Variants in DMD observed in about 807,000 individuals in gnomAD.
DMD encodes dystrophin.
DMD carries 63 observed loss-of-function variants against 330.1 expected under a neutral mutation model. That is an observed-to-expected ratio of 0.19 (90% CI 0.16 to 0.24). The LOEUF is 0.24. Among genes scored for constraint, DMD ranks in the 10% least tolerant of loss-of-function variants. DMD has a pLI of 1.00. For missense variants in DMD, 3,344 were observed against 2,684.1 expected (o/e 1.25, Z -5.43); for synonymous variants, 1,223 against 959.8 (o/e 1.27, Z -5.07).
chrX:32,301,506 T>C (rs1006539401), intron 42 of DMD, among the ~76,000 whole-genome samples: 1 of 110,991 alleles, frequency 9.0e-6, no homozygotes, highest in Non-Finnish European at 1.9e-5. Flanking sequence ...GTCATTGTAT[T>C]AAACTATAAG....
In DMD at chrX:32,689,363, G is replaced by A. The variant is rs185632930; in HGVS notation, c.960+8507C>T. ...ACATAAAACCTACCAAATCTGAACT[G>A]TGTAAAAATGGAAAAGTCTGAATAG... On this transcript the variant is annotated intron_variant, in intron 9 of 78. Transcript: ENST00000357033. Among the ~76,000 whole-genome samples, 1,039 of 110,967 alleles carry A rather than the reference G, an allele frequency of 9.4e-3. 4 individuals are homozygous for A. The highest frequency in any genetic ancestry group is 0.046 in the South Asian group (120 of 2,624).
At chrX:32,829,536 T>G (rs1243901211) in intron 4 of DMD, among the ~76,000 whole-genome samples, 1 of 112,059 alleles carries the variant, frequency 8.9e-6, no homozygotes, top group Non-Finnish European at 1.9e-5. Context: ...TTTACCTATT[T>G]TGTTAATCTT....
In DMD at chrX:32,573,573, A is replaced by T. The variant is rs1329470631; in HGVS notation, c.1769T>A (p.Phe590Tyr). 3.3e-6 allele frequency: 4 copies of T among 1,211,972 alleles called. No homozygotes were observed. The South Asian group carries it at 5.3e-5, about 16-fold the overall frequency. ...TGATAACATTTCATTTTGATCTTTA[A>T]AGCCAGTTGTGTGAATCTTGTTCAC... The part of the protein sequence containing the change: ...DAVNKIHTTG[F>Y]KDQNEMLSSL... The change falls in exon 15 of 79, where the codon TTT becomes TAT. Residue 590 changes from phenylalanine to tyrosine, a missense_variant. Physicochemically the swap from Phe to Tyr is conservative, Grantham distance 22 (BLOSUM62 3). Coordinates refer to ENST00000357033, the MANE Select transcript of DMD (RefSeq NM_004006.3).
intron 60 of DMD, among the ~76,000 whole-genome samples, chrX:31,388,730 C>T (rs1265154463): frequency 2.7e-5 from 3 of 110,849 alleles, no homozygotes; most frequent in East Asian, 5.7e-4. Context: ...GGCAAAATCC[C>T]GTCTCTACTA....
At chrX:31,153,585 A>C (rs1223611428) in intron 74 of DMD, among the ~76,000 whole-genome samples, 1 of 111,558 alleles carries the variant, frequency 9.0e-6, no homozygotes, top group African/African-American at 3.3e-5. Context: ...AAATGGTAGG[A>C]GCAGAGAAAG....
At chrX:33,291,815 A>G (rs760487857) in intron 1 of DMD, among the ~76,000 whole-genome samples, 1 of 111,604 alleles carries the variant, frequency 9.0e-6, no homozygotes, top group African/African-American at 3.2e-5. Flanking sequence ...CTACTTTTAT[A>G]TACTGAAACA....
At chrX:33,320,617 G>A (rs2054001904) in intron 1 of DMD, among the ~76,000 whole-genome samples, 1 of 112,263 alleles carries the variant, frequency 8.9e-6, no homozygotes, top group South Asian at 3.6e-4. Flanking sequence ...TGATTGATCA[G>A]GGTGGGGTTG....
chrX:32,629,128 G>A (rs1340922819), intron 11 of DMD, among the ~76,000 whole-genome samples: 4 of 111,359 alleles, frequency 3.6e-5, no homozygotes, highest in Admixed American at 9.5e-5. Context: ...TGAAATCACC[G>A]GCTATTACTG....
chrX:32,178,976 CTCTCT>C (rs1283773846), intron 44 of DMD, among the ~76,000 whole-genome samples: 2 of 106,084 alleles, frequency 1.9e-5, no homozygotes, highest in Admixed American at 1.0e-4. Flanking sequence ...CTCTCTCTCT[CTCTCT>C]CCCTCTCCTC....
intron 2 of DMD, among the ~76,000 whole-genome samples, chrX:33,003,874 A>G (rs1286016993): frequency 8.9e-6 from 1 of 112,560 alleles, no homozygotes; most frequent in Non-Finnish European, 1.9e-5. Context: ...CCAAAATTGT[A>G]TTCGATGTTT....
intron 9 of DMD, among the ~76,000 whole-genome samples, chrX:32,653,858 T>C (rs185671380): frequency 4.5e-5 from 5 of 112,078 alleles, no homozygotes; most frequent in South Asian, 3.7e-4. Context: ...TAGTTCTCCT[T>C]GAAGAGGTCC....
At chrX:32,773,430 G>T (rs1234359921) in intron 7 of DMD, among the ~76,000 whole-genome samples, 2 of 110,457 alleles carry the variant, frequency 1.8e-5, no homozygotes, top group Middle Eastern at 4.3e-3. Flanking sequence ...CTATTATTTT[G>T]AAATATAAAT....
intron 51 of DMD, among the ~76,000 whole-genome samples, chrX:31,741,275 T>A (rs953084649): frequency 8.9e-6 from 1 of 111,954 alleles, no homozygotes; most frequent in African/African-American, 3.2e-5. Flanking sequence ...CCTCCTCCCC[T>A]CAATCATGAA....
intron 3 of DMD, among the ~76,000 whole-genome samples, chrX:32,845,327 C>T (rs1426215345): frequency 8.9e-6 from 1 of 111,967 alleles, no homozygotes; most frequent in African/African-American, 3.2e-5. Context: ...CACTGAAGCT[C>T]TAAACCTCAA....
chrX:32,631,684 G>A (rs1209407340), intron 11 of DMD, among the ~76,000 whole-genome samples: 3 of 110,706 alleles, frequency 2.7e-5, no homozygotes, highest in African/African-American at 9.9e-5. Context: ...CCAGGGAAGA[G>A]GTGAGTGGGA....
At chrX:32,358,126 C>G (rs925360763) in intron 37 of DMD, among the ~76,000 whole-genome samples, 2 of 110,831 alleles carry the variant, frequency 1.8e-5, no homozygotes, top group Non-Finnish European at 3.8e-5. Flanking sequence ...CCTGATTAAT[C>G]CCTTTTCTCA....
intron 2 of DMD, among the ~76,000 whole-genome samples, chrX:32,922,282 T>C (rs2088502647): frequency 9.0e-6 from 1 of 111,332 alleles, no homozygotes; most frequent in African/African-American, 3.3e-5. Flanking sequence ...ATAAAAACAA[T>C]TGTATTCTCA....
intron 19 of DMD, among the ~76,000 whole-genome samples, chrX:32,492,958 G>T (rs1183015608): frequency 9.0e-6 from 1 of 111,122 alleles, no homozygotes; most frequent in African/African-American, 3.3e-5. Flanking sequence ...TAGAAGAGTA[G>T]GTTGCCTAAG....
chrX:32,380,689 A>T lies in DMD; in HGVS notation c.4675-9T>A, dbSNP rs201382098. On this transcript the variant is annotated splice_polypyrimidine_tract_variant and intron_variant, in intron 33 of 78. Coordinates refer to ENST00000357033, the MANE Select transcript of DMD (RefSeq NM_004006.3). The stretch of plus-strand genomic sequence containing the variant: ...TGCTTTCTTTCTGTTACCTGAAAAG[A>T]ATTATAATGAAATGTAATTTAGTTT... 11 of 1,196,267 alleles carry T rather than the reference A, an allele frequency of 9.2e-6. No individual in the cohort carries two copies. The highest frequency in any genetic ancestry group is 1.2e-5 in the Non-Finnish European group (11 of 887,366).
Sources: allele counts gnomAD v4.1 joint callset (sites outside exome capture counted in the v4.1 genomes callset), GRCh38; gene constraint gnomAD v4.1.1; transcripts MANE v1.5; gene names NCBI Gene and HGNC (gene_info 2026-07-23, HGNC 2026-07-21).